WWOX: variants seen among roughly 807,000 people sequenced by gnomAD.
The protein encoded by WWOX is WW domain containing oxidoreductase.
In WWOX, 69 loss-of-function variants were observed where a neutral mutation model predicts 46.2. The observed-to-expected ratio is 1.49, with a 90% confidence interval of 1.23 to 1.82. WWOX has a LOEUF of 1.82. Among genes scored for constraint, WWOX ranks in the 40% most tolerant of loss-of-function variants. WWOX has a pLI of 0.00. For synonymous variants in WWOX, 359 were observed against 202.6 expected (o/e 1.77, Z -6.56); for missense variants, 919 against 542.6 (o/e 1.69, Z -6.89).
At chr16:78,354,312 C>CTTTTTTTTTTT (rs55635025) in intron 5 of WWOX, among the ~76,000 whole-genome samples, 4 of 123,306 alleles carry the variant, frequency 3.2e-5, no homozygotes, top group African/African-American at 3.1e-5. Context: ...ATGTGCTTAA[C>CTTTTTTTTTTT]TTTTTTTTTT....
intron 8 of WWOX, among the ~76,000 whole-genome samples, chr16:78,533,129 G>A (rs2043664157): frequency 6.6e-6 from 1 of 152,052 alleles, no homozygotes; most frequent in Non-Finnish European, 1.5e-5. Context: ...GCCTCTCAAT[G>A]GCTAAACCAA....
rs1308501987 is a variant in WWOX at position 79,211,707 on chromosome 16, C to G, written c.1156C>G (p.Pro386Ala). 5 of 1,614,228 alleles carry G rather than the reference C, an allele frequency of 3.1e-6. No individual in the cohort carries two copies. The highest frequency in any genetic ancestry group is 1.6e-4 in the Middle Eastern group (1 of 6,062). ...FNNCCRCMPSPEAQSEETART... is the reference protein window; with the variant it reads ...FNNCCRCMPSAEAQSEETART... Reference sequence around the variant, plus strand: ...CAACTGCTGCCGCTGCATGCCCTCACCAGAAGCTCAGAGCGAAGAGACGGC... The same window carrying G: ...CAACTGCTGCCGCTGCATGCCCTCAGCAGAAGCTCAGAGCGAAGAGACGGC... Residue 386 changes from proline to alanine, a missense_variant, in exon 9 of 9, where the codon CCA becomes GCA. Coordinates refer to ENST00000566780, the MANE Select transcript of WWOX (RefSeq NM_016373.4).
At chr16:78,375,601 G>A (rs889476676) in intron 5 of WWOX, among the ~76,000 whole-genome samples, 1 of 152,120 alleles carries the variant, frequency 6.6e-6, no homozygotes, top group African/African-American at 2.4e-5. Context: ...AGTCTCCGTA[G>A]GCTTCTTGGG....
intron 8 of WWOX, among the ~76,000 whole-genome samples, chr16:78,652,889 A>T (rs991558642): frequency 6.6e-6 from 1 of 152,196 alleles, no homozygotes; most frequent in Non-Finnish European, 1.5e-5. Flanking sequence ...CTTGCCCATC[A>T]CAGTTCTGGA....
chr16:78,500,089 A>C (rs9923737), intron 8 of WWOX, among the ~76,000 whole-genome samples: 9,203 of 152,236 alleles, frequency 0.06, 524 homozygotes, highest in East Asian at 0.17. Flanking sequence ...GCATGGTTCA[A>C]AGCACACATT....
intron 5 of WWOX, among the ~76,000 whole-genome samples, chr16:78,244,375 C>T (rs2037752237): frequency 9.3e-6 from 1 of 107,694 alleles, no homozygotes; most frequent in Non-Finnish European, 1.8e-5. Flanking sequence ...AACCTCCTTG[C>T]AATCTGTATG....
At chr16:78,130,702 A>G (rs1229264577) in intron 4 of WWOX, among the ~76,000 whole-genome samples, 2 of 152,234 alleles carry the variant, frequency 1.3e-5, no homozygotes, top group Non-Finnish European at 2.9e-5. Context: ...TCACTGGCTC[A>G]TAGCCACTGC....
rs571279659 is a variant in WWOX at position 79,028,217 on chromosome 16, G to C, written c.1057-183391G>C. 6.4e-4 allele frequency among the ~76,000 whole-genome samples: 97 copies of C among 151,892 alleles called. 2 individuals are homozygous for C. The highest frequency in any genetic ancestry group is 2.2e-3 in the African/African-American group (92 of 41,188). Reference sequence around the variant, plus strand: ...ACCTGCCTTGGCCTCCCAAAGTGCTGGGATTACAGGCGTGAGCCACCACGC... The same window carrying C: ...ACCTGCCTTGGCCTCCCAAAGTGCTCGGATTACAGGCGTGAGCCACCACGC... On this transcript the variant is annotated intron_variant, in intron 8 of 8. Coordinates refer to ENST00000566780, the MANE Select transcript of WWOX (RefSeq NM_016373.4).
intron 5 of WWOX, among the ~76,000 whole-genome samples, chr16:78,327,630 A>C (rs1204482870): frequency 1.3e-5 from 2 of 152,122 alleles, no homozygotes; most frequent in African/African-American, 4.8e-5. Context: ...CAGAGATTCC[A>C]CAATCTTCTA....
intron 8 of WWOX, among the ~76,000 whole-genome samples, chr16:78,968,919 GAA>G (rs11285228): frequency 6.9e-4 from 102 of 146,934 alleles, no homozygotes; most frequent in African/African-American, 1.9e-3. Context: ...GTTTCTTAAA[GAA>G]AAAAAAAAAA....
intron 8 of WWOX, among the ~76,000 whole-genome samples, chr16:78,440,538 G>A (rs1435904424): frequency 6.6e-6 from 1 of 152,058 alleles, no homozygotes; most frequent in Non-Finnish European, 1.5e-5. Context: ...TGTTGAATGA[G>A]TAAATGAAGA....
At position 78,990,201 on chromosome 16, in the gene WWOX, A is replaced by G. The variant is rs557430040; in HGVS notation, c.1057-221407A>G. 1.4e-3 allele frequency among the ~76,000 whole-genome samples: 214 copies of G among 150,150 alleles called. 3 individuals are homozygous for G. The highest frequency in any genetic ancestry group is 0.01 in the Middle Eastern group (3 of 290). ...CTTGTCTCACCAAAAAAAAAAAAAA[A>G]AGAGAGAGAGGTTGAGCTCAACTGA... On this transcript the variant is annotated intron_variant, in intron 8 of 8. Coordinates refer to ENST00000566780, the MANE Select transcript of WWOX (RefSeq NM_016373.4).
chr16:78,495,564 A>G (rs2084896680), intron 8 of WWOX, among the ~76,000 whole-genome samples: 1 of 146,568 alleles, frequency 6.8e-6, no homozygotes, highest in Non-Finnish European at 1.5e-5. Flanking sequence ...GCTGGAGTGC[A>G]GTGGTGTGAT....
intron 8 of WWOX, among the ~76,000 whole-genome samples, chr16:78,929,376 C>T (rs1383344184): frequency 6.6e-6 from 1 of 151,784 alleles, no homozygotes; most frequent in East Asian, 1.9e-4. Flanking sequence ...TCCTGCTTGC[C>T]TTATTTTTAT....
chr16:78,656,566 A>G (rs994191795), intron 8 of WWOX, among the ~76,000 whole-genome samples: 9 of 152,122 alleles, frequency 5.9e-5, no homozygotes, highest in Admixed American at 1.3e-4. Context: ...AAACAACCAG[A>G]TCTGGTGAGA....
At chr16:78,981,975 A>C (rs975735812) in intron 8 of WWOX, 1 of 152,158 alleles carries the variant, frequency 6.6e-6, no homozygotes, top group African/African-American at 2.4e-5. Flanking sequence ...AGAACATTGA[A>C]GGCTCCAGTG....
chr16:78,328,281 T>G (rs2080675473), intron 5 of WWOX, among the ~76,000 whole-genome samples: 1 of 152,230 alleles, frequency 6.6e-6, no homozygotes, highest in Non-Finnish European at 1.5e-5. Flanking sequence ...GTGGTCTTGT[T>G]TATAATCGTC....
chr16:78,793,116 A>C (rs1225418122), intron 8 of WWOX, among the ~76,000 whole-genome samples: 3 of 152,190 alleles, frequency 2.0e-5, no homozygotes, highest in African/African-American at 7.2e-5. Context: ...TCTGTTGCTC[A>C]GGCTGGAGTG....
intron 4 of WWOX, among the ~76,000 whole-genome samples, chr16:78,136,451 T>C (rs1370183781): frequency 1.3e-5 from 2 of 152,220 alleles, no homozygotes; most frequent in East Asian, 3.8e-4. Context: ...TCTCTCTCTT[T>C]AGACCTTACT....
Sources: allele counts gnomAD v4.1 joint callset (sites outside exome capture counted in the v4.1 genomes callset), GRCh38; gene constraint gnomAD v4.1.1; transcripts MANE v1.5; gene names NCBI Gene and HGNC (gene_info 2026-07-23, HGNC 2026-07-21).